The following ATP8A1 variants were observed in gnomAD, a reference collection of about 807,000 sequenced individuals.
ATP8A1 encodes phospholipid-transporting ATPase IA.
A neutral mutation model predicts 177.7 loss-of-function variants in ATP8A1; 90 were observed. That is an observed-to-expected ratio of 0.51 (90% CI 0.43 to 0.60). The LOEUF (loss-of-function observed/expected upper bound fraction) is 0.60. Among genes scored for constraint, ATP8A1 ranks in the 20% least tolerant of loss-of-function variants. The pLI, the probability that ATP8A1 is intolerant of heterozygous loss-of-function variation, is 0.00. For synonymous variants in ATP8A1, 493 were observed against 485.9 expected (o/e 1.01, Z -0.19); for missense variants, 1,072 against 1,392.8 (o/e 0.77, Z 3.67).
At chr4:42,473,770 C>T (rs958659237) in intron 25 of ATP8A1, among the ~76,000 whole-genome samples, 2 of 151,706 alleles carry the variant, frequency 1.3e-5, no homozygotes, top group African/African-American at 2.4e-5. Flanking sequence ...CTCAGCCTCC[C>T]GAGTAGCTGG....
Position 42,581,704 on chromosome 4 carries a change from G to T in ATP8A1, c.751C>A (p.Leu251Ile). The stretch of plus-strand genomic sequence containing the variant: ...TTTCTCAACTGAGCTCCTCGAAGAA[G>T]AATCTGATCTGCTCCCAGTGGAACG... ...GTVPLGADQI[L>I]LRGAQLRNTQ... The change falls in exon 10 of 37, where the codon CTT becomes ATT. Residue 251 changes from leucine to isoleucine, a missense_variant. Physicochemically the swap from Leu to Ile is conservative, Grantham distance 5. Coordinates refer to ENST00000381668, the MANE Select transcript of ATP8A1 (RefSeq NM_006095.2). The T allele has an allele frequency of 1.2e-6, 2 of 1,614,106 alleles. No homozygotes were observed. Among genetic ancestry groups the T allele is most frequent in the South Asian group, 2.2e-5 (2 of 91,086 alleles).
chr4:42,656,376 G>C (rs1370281787), intron 1 of ATP8A1, among the ~76,000 whole-genome samples: 1 of 152,214 alleles, frequency 6.6e-6, no homozygotes, highest in East Asian at 1.9e-4. Context: ...CGCGCTTCGA[G>C]AGCCAAGGGA....
chr4:42,535,827 AAATACATGAAAATT>A (rs1727767144), intron 20 of ATP8A1, among the ~76,000 whole-genome samples: 1 of 152,236 alleles, frequency 6.6e-6, no homozygotes, highest in Non-Finnish European at 1.5e-5. Flanking sequence ...AAAACCATGC[AAATACATGAAAATT>A]AAATAACCTG....
intron 9 of ATP8A1, among the ~76,000 whole-genome samples, 173 bp from the exon 10 acceptor site, chr4:42,581,905 A>G (rs1025913393): frequency 3.1e-4 from 47 of 152,326 alleles, no homozygotes; most frequent in African/African-American, 1.1e-3. Flanking sequence ...CGACACAAGT[A>G]TTTACATTGC....
intron 3 of ATP8A1, among the ~76,000 whole-genome samples, 176 bp from the exon 4 acceptor site, chr4:42,624,810 A>G (rs1737873961): frequency 6.6e-6 from 1 of 152,168 alleles, no homozygotes; most frequent in Non-Finnish European, 1.5e-5. Flanking sequence ...AAAGCATGTT[A>G]ATTAGTTTCA....
intron 27 of ATP8A1, among the ~76,000 whole-genome samples, chr4:42,463,536 G>C (rs1719400897): frequency 6.6e-6 from 1 of 152,172 alleles, no homozygotes; most frequent in South Asian, 2.1e-4. Flanking sequence ...TTTATCCACA[G>C]TGTGAGAACA....
At chr4:42,465,890 G>T (rs1436447303) in intron 25 of ATP8A1, among the ~76,000 whole-genome samples, 2 of 152,046 alleles carry the variant, frequency 1.3e-5, no homozygotes, top group African/African-American at 4.8e-5. Context: ...AAATTAGCCG[G>T]GCGTGGTGGC....
intron 15 of ATP8A1, among the ~76,000 whole-genome samples, chr4:42,563,096 C>T (rs1045954425): frequency 6.6e-6 from 1 of 152,096 alleles, no homozygotes; most frequent in Non-Finnish European, 1.5e-5. Flanking sequence ...CAGAAGAAGA[C>T]AAGAAAATGT....
chr4:42,556,075 A>G (rs1163684589), intron 15 of ATP8A1, 35 bp from the exon 16 acceptor site: 14 of 1,452,790 alleles, frequency 9.6e-6, no homozygotes, highest in Non-Finnish European at 1.2e-5. Flanking sequence ...AACCCAGTTC[A>G]TTTATACCAG....
At chr4:42,473,181 G>A (rs1720643927) in intron 25 of ATP8A1, among the ~76,000 whole-genome samples, 1 of 152,188 alleles carries the variant, frequency 6.6e-6, no homozygotes, top group African/African-American at 2.4e-5. Flanking sequence ...TAAGTATTAA[G>A]TGATCCTTTA....
At chr4:42,575,598 TA>T (rs758106865) in intron 13 of ATP8A1, 23 bp downstream of exon 13, 1 of 1,601,532 alleles carries the variant, frequency 6.2e-7, no homozygotes. Flanking sequence ...ATTCCACACA[TA>T]ATCAACAATA....
chr4:42,517,070 G>A (rs182300951), intron 22 of ATP8A1, among the ~76,000 whole-genome samples: 7 of 149,044 alleles, frequency 4.7e-5, no homozygotes, highest in Non-Finnish European at 1.0e-4. Flanking sequence ...GGAGGCCAAG[G>A]GGGGGTGGAT....
Position 42,507,085 on chromosome 4 carries a change from T to C in ATP8A1, c.2017A>G (p.Thr673Ala). ...LQDQVPETIE[T>A]LMKADIKIWI... ...ATTTTGATGTCTGCTTTCATTAGCG[T>C]TTCTATGGTTTCAGGCACTTGATCT... is the stretch of plus-strand genomic sequence containing the variant. Residue 673 changes from threonine (T) to alanine (A), a missense_variant, in exon 23 of 37, where the codon ACG (threonine) becomes GCG (alanine). Around this residue, in one of 5 missense-constraint regions of ATP8A1, gnomAD observed 388 missense variants for 471.7 expected, o/e 0.82. Coordinates refer to ENST00000381668, the MANE Select transcript of ATP8A1 (RefSeq NM_006095.2). The C allele has an allele frequency of 6.2e-7, 1 of 1,614,124 alleles. No individual in the cohort carries two copies. Among genetic ancestry groups the C allele is most frequent in the Non-Finnish European group, 8.5e-7 (1 of 1,179,956 alleles).
chr4:42,438,908 C>T (rs74686771), intron 33 of ATP8A1, among the ~76,000 whole-genome samples: 3 of 152,188 alleles, frequency 2.0e-5, no homozygotes, highest in East Asian at 1.9e-4. Context: ...TTAAACATAG[C>T]GCCTGGAGAA....
At chr4:42,616,177 A>C in intron 4 of ATP8A1, 99 bp from the exon 5 acceptor site, 3 of 1,039,606 alleles carry the variant, frequency 2.9e-6, no homozygotes, top group Non-Finnish European at 2.9e-6. Context: ...TATGTTTCTC[A>C]AGGTTTTTAT....
intron 13 of ATP8A1, among the ~76,000 whole-genome samples, chr4:42,575,269 T>A (rs1732329378): frequency 6.6e-6 from 1 of 152,230 alleles, no homozygotes. Flanking sequence ...TAGACTCACA[T>A]AGCTTCGTTG....
intron 33 of ATP8A1, among the ~76,000 whole-genome samples, chr4:42,430,318 T>C (rs1715128048): frequency 6.6e-6 from 1 of 152,018 alleles, no homozygotes; most frequent in Admixed American, 6.5e-5. Flanking sequence ...CTGTACATAC[T>C]ATTCTTAACA....
chr4:42,488,065 C>T (rs1454552972), intron 24 of ATP8A1, among the ~76,000 whole-genome samples: 1 of 152,180 alleles, frequency 6.6e-6, no homozygotes, highest in African/African-American at 2.4e-5. Context: ...ATAAATTCCA[C>T]AAGCAAAATT....
At chr4:42,644,715 C>A (rs575619301) in intron 1 of ATP8A1, among the ~76,000 whole-genome samples, 1 of 152,078 alleles carries the variant, frequency 6.6e-6, no homozygotes, top group Admixed American at 6.5e-5. Context: ...ATCAGAGCGG[C>A]CACCGAGAAA....
Sources: gnomAD v4.1 joint callset for allele counts (sites outside exome capture counted in the v4.1 genomes callset) on GRCh38, gnomAD v4.1.1 for gene constraint, gnomAD v4.1.1 regional missense constraint, MANE v1.5 for transcripts, NCBI Gene and HGNC (gene_info 2026-07-23, HGNC 2026-07-21) for gene names.